The following MAN1C1 variants were observed in gnomAD, a reference collection of about 807,000 sequenced individuals.
The protein encoded by MAN1C1 is mannosyl-oligosaccharide 1,2-alpha-mannosidase IC.
MAN1C1 carries 49 observed loss-of-function variants against 71.5 expected under a neutral mutation model. The observed-to-expected ratio is 0.69, with a 90% confidence interval of 0.54 to 0.87. The LOEUF is 0.87. Among genes scored for constraint, MAN1C1 ranks in the 40% least tolerant of loss-of-function variants. The pLI is 0.00. For synonymous variants in MAN1C1, 352 were observed against 343.7 expected (o/e 1.02, Z -0.27); for missense variants, 743 against 835.0 (o/e 0.89, Z 1.36).
intron 7 of MAN1C1, 95 bp from the exon 8 acceptor site, chr1:25,771,562 A>T (rs2124401068): frequency 2.2e-6 from 2 of 888,932 alleles, no homozygotes; most frequent in Non-Finnish European, 3.7e-6. Flanking sequence ...CCGTACAGGC[A>T]CCGGGCCCCT....
chr1:25,686,758 G>A (rs530600361), intron 2 of MAN1C1, among the ~76,000 whole-genome samples: 1 of 152,094 alleles, frequency 6.6e-6, no homozygotes, highest in East Asian at 1.9e-4. Context: ...CTTAGAGACT[G>A]CTTTGTATGA....
chr1:25,783,499 G>C (rs561974283), intron 11 of MAN1C1, among the ~76,000 whole-genome samples, 164 bp from the exon 12 acceptor site: 28 of 152,256 alleles, frequency 1.8e-4, no homozygotes, highest in Middle Eastern at 6.8e-3. Context: ...TCCTTCCCCA[G>C]GACTAGCACC....
At chr1:25,680,205 G>A (rs7527810) in intron 1 of MAN1C1, among the ~76,000 whole-genome samples, 4,343 of 151,964 alleles carry the variant, frequency 0.029, 103 homozygotes, top group African/African-American at 0.065. Flanking sequence ...TGGGATTACA[G>A]GCACCTGCCA....
intron 2 of MAN1C1, among the ~76,000 whole-genome samples, chr1:25,712,493 G>T (rs527290597): frequency 5.9e-5 from 9 of 152,334 alleles, no homozygotes; most frequent in African/African-American, 2.2e-4. Context: ...CCTGGGAGAA[G>T]GGGCCTTGGC....
chr1:25,620,345 C>T (rs1465458036), intron 1 of MAN1C1, among the ~76,000 whole-genome samples: 8 of 152,188 alleles, frequency 5.3e-5, no homozygotes, highest in African/African-American at 2.4e-5. Flanking sequence ...CCCTCTCTTA[C>T]TAATCTTGAA....
chr1:25,694,324 C>T (rs1173363019), intron 2 of MAN1C1, among the ~76,000 whole-genome samples: 1 of 152,214 alleles, frequency 6.6e-6, no homozygotes, highest in African/African-American at 2.4e-5. Flanking sequence ...CCAAAAGTAA[C>T]ATCTCCCTGC....
intron 7 of MAN1C1, 54 bp from the exon 8 acceptor site, chr1:25,771,603 C>T (rs997695029): frequency 1.8e-5 from 25 of 1,419,392 alleles, no homozygotes; most frequent in East Asian, 4.6e-5. Flanking sequence ...GGCCCTGCCC[C>T]GTGAGAGCCG....
rs1307418765 is a variant in MAN1C1 at position 25,639,276 on chromosome 1, A to G, written c.540+20939A>G. Among the ~76,000 whole-genome samples, 4 of 152,114 alleles carry G rather than the reference A, an allele frequency of 2.6e-5. No homozygotes were observed. In the East Asian group the frequency reaches 7.7e-4, roughly 29 times the overall value. On this transcript the variant is annotated intron_variant, in intron 1 of 11. Coordinates refer to ENST00000374332, the MANE Select transcript of MAN1C1 (RefSeq NM_020379.4). ...ATATTTTCCTTAAATCCTAAAGCAT[A>G]TTTATAATAGCTTTTTAAAAAAGTT... is the stretch of plus-strand genomic sequence containing the variant.
chr1:25,626,362 TTC>T (rs1344541803), intron 1 of MAN1C1, among the ~76,000 whole-genome samples: 221 of 152,144 alleles, frequency 1.5e-3, no homozygotes, highest in African/African-American at 5.0e-3. Flanking sequence ...CTTTCTTTCT[TTC>T]TTTTTTTTTT....
chr1:25,767,317 C>A (rs529313119), intron 7 of MAN1C1, among the ~76,000 whole-genome samples: 64 of 143,558 alleles, frequency 4.5e-4, no homozygotes, highest in African/African-American at 1.6e-3. Flanking sequence ...CACCCACACT[C>A]CCCTCACACA....
rs910246733 is a variant in MAN1C1, at chr1:25,675,588, G to T, written c.541-10852G>T. Among the ~76,000 whole-genome samples, 8 of 140,076 alleles carry T rather than the reference G, an allele frequency of 5.7e-5. No homozygotes were observed. The South Asian group carries it at 6.9e-4, about 12-fold the overall frequency. The allele number at this position is 140,076 out of a possible 152,430, so 91.9% of individuals were successfully genotyped here. A position where few individuals can be genotyped will look rare whatever the true frequency, so the allele number is the denominator to read the frequency against. On this transcript the variant is annotated intron_variant, in intron 1 of 11. Coordinates refer to ENST00000374332, the MANE Select transcript of MAN1C1 (RefSeq NM_020379.4). ...TTCATATAATGACTTATTTTGCGGG[G>T]GGGGGGGGAGGTGGTTACCCAGTGT... is the stretch of plus-strand genomic sequence containing the variant.
Position 25,782,708 on chromosome 1 carries a change from G to T in MAN1C1, c.1766+8G>T. The T allele has an allele frequency of 6.2e-7, 1 of 1,604,868 alleles. No homozygotes were observed. The highest frequency in any genetic ancestry group is 8.5e-7 in the Non-Finnish European group (1 of 1,171,600). On this transcript the variant is annotated splice_region_variant and intron_variant, in intron 11 of 11. Transcript: ENST00000374332. The surrounding 1 kb of genome is among the most constrained non-coding windows in gnomAD (Gnocchi z 4.4). ...TCTAGCGGAGACACTAAAGTGAGCA[G>T]TGTGGGCTCTTCCTAGGGATGGACA...
At chr1:25,660,469 T>TGCAA (rs1157757396) in intron 1 of MAN1C1, among the ~76,000 whole-genome samples, 2 of 140,142 alleles carry the variant, frequency 1.4e-5, no homozygotes, top group Non-Finnish European at 3.1e-5. Context: ...CTCGGCTCAC[T>TGCAA]GCAAGCTCCG....
rs1388318733 is a variant in MAN1C1 at position 25,746,875 on chromosome 1, G to A, written c.753+92G>A. 1.2e-6 allele frequency: 1 copy of A among 855,038 alleles called. No homozygotes were observed. The highest frequency in any genetic ancestry group is 1.8e-6 in the Non-Finnish European group (1 of 541,836). 53.0% of individuals were successfully genotyped at this position (855,038 alleles called of 1,614,324 possible). ...CCTGTCATCTCTGAGACCCAGAGAT[G>A]TTGAGGGTCTCTCCCACGGCTGCAC... On this transcript the variant is annotated intron_variant, in intron 3 of 11. Coordinates refer to ENST00000374332, the MANE Select transcript of MAN1C1 (RefSeq NM_020379.4). The surrounding 1 kb of genome is among the most constrained non-coding windows in gnomAD (Gnocchi z 4.0).
At chr1:25,670,930 G>T (rs984778407) in intron 1 of MAN1C1, among the ~76,000 whole-genome samples, 1 of 152,176 alleles carries the variant, frequency 6.6e-6, no homozygotes, top group African/African-American at 2.4e-5. Flanking sequence ...AGGCTGGAGT[G>T]CAGTGGCGTG....
At chr1:25,706,137 G>T (rs2046518324) in intron 2 of MAN1C1, among the ~76,000 whole-genome samples, 1 of 152,120 alleles carries the variant, frequency 6.6e-6, no homozygotes, top group Non-Finnish European at 1.5e-5. Flanking sequence ...CAAAAGGTTA[G>T]GTCTGTTTAG....
chr1:25,632,503 T>C (rs1361164953), intron 1 of MAN1C1, among the ~76,000 whole-genome samples: 1 of 152,118 alleles, frequency 6.6e-6, no homozygotes, highest in Non-Finnish European at 1.5e-5. Flanking sequence ...CATTTACTTC[T>C]TCTCTGATCT....
At chr1:25,736,069 T>C (rs1018371122) in intron 2 of MAN1C1, among the ~76,000 whole-genome samples, 1 of 152,198 alleles carries the variant, frequency 6.6e-6, no homozygotes, top group African/African-American at 2.4e-5. Flanking sequence ...CTGTGTCTGC[T>C]GTTAGGAGCT....
intron 2 of MAN1C1, among the ~76,000 whole-genome samples, chr1:25,731,187 G>A (rs1194133164): frequency 1.3e-5 from 2 of 152,236 alleles, no homozygotes; most frequent in Non-Finnish European, 2.9e-5. Flanking sequence ...GCATGCTCAT[G>A]TAGTCCAGCT....
Sources: gnomAD v4.1 joint callset for allele counts (sites outside exome capture counted in the v4.1 genomes callset) on GRCh38, gnomAD v4.1.1 for gene constraint, Gnocchi (gnomAD v3.1) non-coding constraint, MANE v1.5 for transcripts, NCBI Gene and HGNC (gene_info 2026-07-23, HGNC 2026-07-21) for gene names.